The following KRCC1 variants were observed in gnomAD, a reference collection of about 807,000 sequenced individuals.
The protein encoded by KRCC1 is lysine-rich coiled-coil protein 1.
Under a neutral mutation model 7.4 loss-of-function variants are expected in KRCC1, and 3 were observed. That is an observed-to-expected ratio of 0.40 (90% CI 0.18 to 1.04). The LOEUF (loss-of-function observed/expected upper bound fraction) is 1.04, where lower values mean the gene tolerates loss of function less well. Ranked by LOEUF, KRCC1 falls within the 50% of genes least tolerant of loss-of-function variation. The pLI is 0.33. For synonymous variants in KRCC1, 102 were observed against 101.6 expected (o/e 1.00, Z -0.02); for missense variants, 277 against 300.9 (o/e 0.92, Z 0.59).
chr2:88,053,343 T>C (rs1465824856), intron 1 of KRCC1, among the ~76,000 whole-genome samples: 1 of 152,180 alleles, frequency 6.6e-6, no homozygotes, highest in African/African-American at 2.4e-5. Context: ...TGAACTGACA[T>C]CTTTTAAAGT....
rs1672899410 is a variant in KRCC1, at chr2:88,027,691, C to G, written c.*93G>C. Reference sequence around the variant, plus strand: ...TTTGTTAGAAGTTAAAGAACCTATTCACATAAGAAAAGTGGTATGAACACG... The same window carrying G: ...TTTGTTAGAAGTTAAAGAACCTATTGACATAAGAAAAGTGGTATGAACACG... On this transcript the variant is annotated 3_prime_UTR_variant, in exon 4 of 4. Coordinates refer to ENST00000347055, the MANE Select transcript of KRCC1 (RefSeq NM_016618.3). The G allele has an allele frequency of 3.6e-6, 4 of 1,102,472 alleles. No homozygotes were observed. The Admixed American group carries it at 1.0e-4, about 28-fold the overall frequency. The allele number at this position is 1,102,472 out of a possible 1,614,324, so 68.3% of individuals were successfully genotyped here.
intron 1 of KRCC1, among the ~76,000 whole-genome samples, chr2:88,051,928 T>C (rs993910203): frequency 1.3e-5 from 2 of 152,268 alleles, no homozygotes; most frequent in Non-Finnish European, 2.9e-5. Context: ...AGTAGGATAA[T>C]CCATTGCTGT....
intron 1 of KRCC1, among the ~76,000 whole-genome samples, chr2:88,049,057 C>T (rs1205813765): frequency 6.6e-6 from 1 of 152,144 alleles, no homozygotes; most frequent in Non-Finnish European, 1.5e-5. Flanking sequence ...TACAGTTTGC[C>T]ATGTTCTAGC....
At chr2:88,047,779 T>C (rs1673371919) in intron 1 of KRCC1, among the ~76,000 whole-genome samples, 2 of 152,214 alleles carry the variant, frequency 1.3e-5, no homozygotes, top group Non-Finnish European at 2.9e-5. Context: ...ATCTGCCGCC[T>C]CGGCCTCTCA....
intron 1 of KRCC1, among the ~76,000 whole-genome samples, chr2:88,054,530 G>T (rs1231102202): frequency 6.6e-6 from 1 of 152,162 alleles, no homozygotes; most frequent in African/African-American, 2.4e-5. Flanking sequence ...GTCTCTGTGG[G>T]AGGATAGTAT....
At chr2:88,045,193 A>C (rs1377603210) in intron 1 of KRCC1, among the ~76,000 whole-genome samples, 2 of 152,256 alleles carry the variant, frequency 1.3e-5, no homozygotes, top group African/African-American at 2.4e-5. Context: ...TTTTTTATGA[A>C]GTTAAATACA....
intron 1 of KRCC1, among the ~76,000 whole-genome samples, chr2:88,041,232 A>AGAT (rs1390060156): frequency 1.3e-5 from 2 of 152,212 alleles, no homozygotes; most frequent in Non-Finnish European, 2.9e-5. Flanking sequence ...TGGGAAGAGC[A>AGAT]GATAGACGGG....
chr2:88,034,212 A>T lies in KRCC1; in HGVS notation c.-101T>A, dbSNP rs960143476. 2 of 152,504 alleles carry T rather than the reference A, an allele frequency of 1.3e-5. No homozygotes were observed. The highest frequency in any genetic ancestry group is 2.4e-5 in the African/African-American group (1 of 41,390). The allele number at this position is 152,504 out of a possible 1,614,324, so 9.4% of individuals were successfully genotyped here. ...TCAGCATGAATTTTCAAATAGTGAG[A>T]CTACACAATAACTGGTGAGCTAAAA... is the stretch of plus-strand genomic sequence containing the variant. On this transcript the variant is annotated 5_prime_UTR_variant, in exon 3 of 4. Coordinates refer to ENST00000347055, the MANE Select transcript of KRCC1 (RefSeq NM_016618.3).
rs766103391 is a variant in KRCC1 at position 88,028,099 on chromosome 2, CTGTT to C, written c.461_464del (p.Lys154ArgfsTer35). 5.6e-6 allele frequency: 9 copies of C among 1,614,096 alleles called. No individual in the cohort carries two copies. The highest frequency in any genetic ancestry group is 1.1e-5 in the South Asian group (1 of 91,084). Reference sequence around the variant, plus strand: ...GGTGCCTTTTCCTCTTCTGATGTATCTGTTTGTGACTGGCTTGATGAGTACTGGT... The same window carrying C: ...GGTGCCTTTTCCTCTTCTGATGTATCTGTGACTGGCTTGATGAGTACTGGT... On this transcript the variant is annotated frameshift_variant, in exon 4 of 4. Transcript: ENST00000347055. LOFTEE classifies it low-confidence loss of function (END_TRUNC).
intron 3 of KRCC1, among the ~76,000 whole-genome samples, chr2:88,029,815 T>G (rs1268745244): frequency 6.8e-6 from 1 of 146,380 alleles, no homozygotes; most frequent in Non-Finnish European, 1.5e-5. Context: ...ACTATGAAAT[T>G]ATAATATTAT....
At chr2:88,044,083 A>C (rs530341383) in intron 1 of KRCC1, among the ~76,000 whole-genome samples, 7 of 152,344 alleles carry the variant, frequency 4.6e-5, no homozygotes, top group African/African-American at 1.7e-4. Flanking sequence ...GAACATGTCC[A>C]TGGTTGCAGT....
chr2:88,036,515 C>G (rs1673093821), intron 2 of KRCC1, among the ~76,000 whole-genome samples: 1 of 152,118 alleles, frequency 6.6e-6, no homozygotes, highest in South Asian at 2.1e-4. Context: ...TTCTATAATC[C>G]TGTGCCTTGA....
At chr2:88,042,900 G>T (rs565337377) in intron 1 of KRCC1, among the ~76,000 whole-genome samples, 23 of 152,166 alleles carry the variant, frequency 1.5e-4, no homozygotes, top group African/African-American at 3.9e-4. Context: ...TTGCATCTAG[G>T]ATTTATCTAT....
At chr2:88,046,739 C>T (rs12996782) in intron 1 of KRCC1, among the ~76,000 whole-genome samples, 6 of 152,196 alleles carry the variant, frequency 3.9e-5, no homozygotes, top group Non-Finnish European at 5.9e-5. Context: ...GGTGCAATCT[C>T]GACTCACAGC....
chr2:88,036,111 TA>T (rs1673085324), intron 2 of KRCC1, among the ~76,000 whole-genome samples: 1 of 152,180 alleles, frequency 6.6e-6, no homozygotes, highest in African/African-American at 2.4e-5. Flanking sequence ...GAGGGAAAAC[TA>T]GATGAGTTCT....
chr2:88,037,782 G>T (rs1673122829), intron 1 of KRCC1, among the ~76,000 whole-genome samples: 1 of 152,138 alleles, frequency 6.6e-6, no homozygotes, highest in Non-Finnish European at 1.5e-5. Context: ...AAATTTCACT[G>T]AATAGAGCTC....
chr2:88,048,086 A>AT (rs56138611), intron 1 of KRCC1, among the ~76,000 whole-genome samples: 7,329 of 146,724 alleles, frequency 0.05, 511 homozygotes, highest in African/African-American at 0.15. Flanking sequence ...TTTTCAGTGT[A>AT]TTTTTTTTTT....
intron 2 of KRCC1, among the ~76,000 whole-genome samples, 161 bp downstream of exon 2, chr2:88,036,782 A>G (rs1057369104): frequency 6.6e-6 from 1 of 152,206 alleles, no homozygotes; most frequent in African/African-American, 2.4e-5. Flanking sequence ...TTTAAATCCT[A>G]CTTCCCCAAA....
intron 1 of KRCC1, among the ~76,000 whole-genome samples, chr2:88,046,102 T>C (rs983250210): frequency 6.6e-6 from 1 of 152,242 alleles, no homozygotes; most frequent in Non-Finnish European, 1.5e-5. Flanking sequence ...GATTTTGAAA[T>C]GTTGGCTTTG....
Sources: gnomAD v4.1 joint callset for allele counts (sites outside exome capture counted in the v4.1 genomes callset) on GRCh38, gnomAD v4.1.1 for gene constraint, MANE v1.5 for transcripts, NCBI Gene and HGNC (gene_info 2026-07-23, HGNC 2026-07-21) for gene names.